Variants in IFT56 observed in about 807,000 individuals in gnomAD.
IFT56 encodes intraflagellar transport protein 56.
At chr7:139,142,339 T>C in the IFT56 span, 3 of 1,574,164 alleles carry the variant, frequency 1.9e-6, no homozygotes, top group Non-Finnish European at 8.7e-7. Context: ...TTTTTTGTTT[T>C]AAAAATATTT....
the IFT56 span, chr7:139,166,870 A>C: frequency 4.4e-6 from 7 of 1,584,554 alleles, no homozygotes; most frequent in Non-Finnish European, 6.1e-6. Flanking sequence ...AACTTAATTA[A>C]GGATCTGGAA....
the IFT56 span, among the ~76,000 whole-genome samples, chr7:139,183,372 C>A: frequency 2.0e-5 from 3 of 151,976 alleles, no homozygotes; most frequent in Non-Finnish European, 4.4e-5. Flanking sequence ...AGCAGGAAAA[C>A]GATGGGTGTA....
the IFT56 span, among the ~76,000 whole-genome samples, chr7:139,136,220 C>T: frequency 2.6e-5 from 4 of 152,192 alleles, no homozygotes; most frequent in Non-Finnish European, 4.4e-5. Flanking sequence ...CCACCGCGCC[C>T]GGCCTAGTTT....
chr7:139,183,319 A>T, the IFT56 span, among the ~76,000 whole-genome samples: 1 of 152,248 alleles, frequency 6.6e-6, no homozygotes, highest in East Asian at 1.9e-4. Flanking sequence ...ACGACTCAAC[A>T]TAAAGTTATA....
the IFT56 span, among the ~76,000 whole-genome samples, chr7:139,186,382 C>T: frequency 6.6e-6 from 1 of 151,096 alleles, no homozygotes; most frequent in Non-Finnish European, 1.5e-5. Context: ...GTCATGTTGG[C>T]ACCACTGCAC....
chr7:139,133,895 G>A, the IFT56 span: 30 of 1,614,138 alleles, frequency 1.9e-5, no homozygotes, highest in East Asian at 8.9e-5. Flanking sequence ...AGTACTTTGA[G>A]TAGGTCCTGA....
chr7:139,164,193 G>A, the IFT56 span, among the ~76,000 whole-genome samples: 18 of 152,264 alleles, frequency 1.2e-4, no homozygotes, highest in African/African-American at 3.9e-4. Flanking sequence ...TGGGCATATA[G>A]TACATGCTAA....
At chr7:139,177,454 T>C in the IFT56 span, among the ~76,000 whole-genome samples, 1 of 151,734 alleles carries the variant, frequency 6.6e-6, no homozygotes, top group East Asian at 1.9e-4. Flanking sequence ...GATATATATA[T>C]ACTGTATGTA....
chr7:139,173,103 ACTCT>A, the IFT56 span: 1 of 716,358 alleles, frequency 1.4e-6, no homozygotes, highest in Non-Finnish European at 2.6e-6. Context: ...TGGTTGGCTG[ACTCT>A]CTGTGGACTG....
chr7:139,143,528 C>A, the IFT56 span, among the ~76,000 whole-genome samples: 1 of 152,054 alleles, frequency 6.6e-6, no homozygotes, highest in African/African-American at 2.4e-5. Context: ...TTATATCTCT[C>A]ATCTATCCTT....
At chr7:139,143,540 T>C in the IFT56 span, among the ~76,000 whole-genome samples, 1 of 152,150 alleles carries the variant, frequency 6.6e-6, no homozygotes, top group Non-Finnish European at 1.5e-5. Flanking sequence ...TCTATCCTTT[T>C]ACTTTCTACC....
chr7:139,157,139 CTT>C, the IFT56 span, among the ~76,000 whole-genome samples: 2,129 of 81,796 alleles, frequency 0.026, 25 homozygotes, highest in African/African-American at 0.081. Context: ...TCTTTAATTT[CTT>C]TTTTTTTTTT....
At chr7:139,174,912 T>C in the IFT56 span, among the ~76,000 whole-genome samples, 1 of 151,866 alleles carries the variant, frequency 6.6e-6, no homozygotes, top group African/African-American at 2.4e-5. Flanking sequence ...TCCCAGCTAC[T>C]CAGGAGACTG....
At chr7:139,179,448 G>A in the IFT56 span, 2 of 661,156 alleles carry the variant, frequency 3.0e-6, no homozygotes, top group East Asian at 5.4e-5. Flanking sequence ...ACTTTTCTTA[G>A]CAGCCTGTAT....
chr7:139,183,049 C>T, the IFT56 span, among the ~76,000 whole-genome samples: 7 of 151,566 alleles, frequency 4.6e-5, no homozygotes, highest in East Asian at 1.9e-4. Context: ...TTTGGAATTG[C>T]GGGGGATGGG....
chr7:139,139,773 G>A, the IFT56 span: 1 of 632,314 alleles, frequency 1.6e-6, no homozygotes, highest in Non-Finnish European at 2.8e-6. Context: ...AGAGCATGTA[G>A]GATTCCCTAA....
the IFT56 span, among the ~76,000 whole-genome samples, chr7:139,136,016 C>G: frequency 6.6e-6 from 1 of 152,042 alleles, no homozygotes; most frequent in Non-Finnish European, 1.5e-5. Flanking sequence ...CTGCACCTCC[C>G]TGGTTCAAGC....
the IFT56 span, among the ~76,000 whole-genome samples, chr7:139,152,378 T>G: frequency 4.6e-5 from 7 of 152,334 alleles, no homozygotes; most frequent in Non-Finnish European, 7.3e-5. Context: ...CCTTCCACCT[T>G]GGGCACCCAA....
chr7:139,177,636 A>G, the IFT56 span, among the ~76,000 whole-genome samples: 5 of 127,374 alleles, frequency 3.9e-5, no homozygotes, highest in African/African-American at 1.9e-4. Flanking sequence ...GTGTGTATAT[A>G]TATCTCAAAT....
Sources: gnomAD v4.1 joint callset for allele counts (sites outside exome capture counted in the v4.1 genomes callset) on GRCh38, gnomAD v4.1.1 for gene constraint, MANE v1.5 for transcripts, NCBI Gene and HGNC (gene_info 2026-07-23, HGNC 2026-07-21) for gene names.